Variants in CNTNAP2 observed in about 807,000 individuals in gnomAD.
CNTNAP2 encodes contactin-associated protein-like 2.
A neutral mutation model predicts 155.2 loss-of-function variants in CNTNAP2; 98 were observed. That is an observed-to-expected ratio of 0.63 (90% CI 0.54 to 0.75). The LOEUF (loss-of-function observed/expected upper bound fraction) is 0.75, where lower values mean the gene tolerates loss of function less well. CNTNAP2 is among the 30% of genes least tolerant of loss of function. The pLI, the probability that CNTNAP2 is intolerant of heterozygous loss-of-function variation, is 0.00. For missense variants in CNTNAP2, 1,727 were observed against 1,688.1 expected, an observed-to-expected ratio of 1.02 and a Z score of -0.40; for synonymous variants, 651 against 631.2, an observed-to-expected ratio of 1.03 and a Z score of -0.47.
chr7:146,723,984 C>T (rs1049542552), intron 1 of CNTNAP2, among the ~76,000 whole-genome samples: 7 of 152,054 alleles, frequency 4.6e-5, no homozygotes, highest in East Asian at 1.9e-4. Flanking sequence ...GTCCTGTGCA[C>T]TCGTTGGGAC....
chr7:146,862,188 A>G (rs1585126963), intron 3 of CNTNAP2, among the ~76,000 whole-genome samples: 2 of 152,268 alleles, frequency 1.3e-5, no homozygotes, highest in Admixed American at 6.5e-5. Flanking sequence ...CATTTATTCT[A>G]TCTTAATTAA....
At chr7:148,097,208 TG>T (rs1803990108) in intron 15 of CNTNAP2, among the ~76,000 whole-genome samples, 1 of 152,010 alleles carries the variant, frequency 6.6e-6, no homozygotes, top group Admixed American at 6.5e-5. Context: ...ATTAGGAAGT[TG>T]AACCAGCCCG....
intron 1 of CNTNAP2, among the ~76,000 whole-genome samples, chr7:146,475,532 C>A (rs950472227): frequency 6.6e-6 from 1 of 152,062 alleles, no homozygotes; most frequent in East Asian, 1.9e-4. Flanking sequence ...CAGAGCCAGC[C>A]ATTGAGTGGT....
chr7:146,552,009 T>A (rs1179305763), intron 1 of CNTNAP2, among the ~76,000 whole-genome samples: 2 of 152,134 alleles, frequency 1.3e-5, no homozygotes, highest in Non-Finnish European at 2.9e-5. Flanking sequence ...TATTTATATA[T>A]GTCACTGGAA....
At chr7:148,014,333 C>T (rs1002987202) in intron 15 of CNTNAP2, 17 of 150,862 alleles carry the variant, frequency 1.1e-4, no homozygotes, top group African/African-American at 3.9e-4. Flanking sequence ...GGCTTTTTAC[C>T]GCTTTGAAAT....
chr7:146,152,735 A>G (rs551121555), intron 1 of CNTNAP2, among the ~76,000 whole-genome samples: 31 of 152,218 alleles, frequency 2.0e-4, no homozygotes, highest in Admixed American at 1.3e-3. Flanking sequence ...ATAACAGAAA[A>G]TCTCTGCTAG....
chr7:147,163,962 AAAATCTGTTCTACCAT>A (rs1365148442), intron 8 of CNTNAP2, among the ~76,000 whole-genome samples: 2 of 152,204 alleles, frequency 1.3e-5, no homozygotes, highest in African/African-American at 2.4e-5. Context: ...GGAGAAAATG[AAAATCTGTTCTACCAT>A]AAATCCCTCC....
intron 15 of CNTNAP2, among the ~76,000 whole-genome samples, chr7:148,011,630 C>T (rs763015961): frequency 3.9e-5 from 6 of 152,188 alleles, no homozygotes; most frequent in Non-Finnish European, 8.8e-5. Flanking sequence ...GTTGATGTTG[C>T]TCTGTCTCAA....
At chr7:146,958,171 G>T (rs564315111) in intron 3 of CNTNAP2, among the ~76,000 whole-genome samples, 9 of 152,208 alleles carry the variant, frequency 5.9e-5, no homozygotes, top group Middle Eastern at 3.4e-3. Flanking sequence ...ACCTCAGGAA[G>T]GTGCAGCTGC....
intron 1 of CNTNAP2, among the ~76,000 whole-genome samples, chr7:146,369,411 A>G (rs1795202102): frequency 6.6e-6 from 1 of 152,160 alleles, no homozygotes; most frequent in Non-Finnish European, 1.5e-5. Context: ...CATCTATGGG[A>G]TATGTTCTAA....
chr7:147,258,508 C>G (rs34967218), intron 8 of CNTNAP2, among the ~76,000 whole-genome samples: 1 of 151,738 alleles, frequency 6.6e-6, no homozygotes, highest in Non-Finnish European at 1.5e-5. Context: ...AGCACAAGCA[C>G]GTATGATTGC....
intron 4 of CNTNAP2, chr7:147,083,160 C>G (rs1800173692): frequency 6.6e-6 from 1 of 152,000 alleles, no homozygotes; most frequent in Non-Finnish European, 1.5e-5. Context: ...AGAGTCGCTT[C>G]CCTTGAATTA....
At chr7:147,013,765 G>C (rs17170304) in intron 3 of CNTNAP2, among the ~76,000 whole-genome samples, 57,132 of 151,872 alleles carry the variant, frequency 0.38, 10,931 homozygotes, top group South Asian at 0.43. Flanking sequence ...CTATACTTCT[G>C]CAATACAATT....
At chr7:148,119,177 C>T (rs189772508) in intron 16 of CNTNAP2, among the ~76,000 whole-genome samples, 1 of 152,170 alleles carries the variant, frequency 6.6e-6, no homozygotes, top group Non-Finnish European at 1.5e-5. Context: ...CGAGGCCAGG[C>T]TATGTCCCCT....
chr7:147,265,236 C>T (rs188812595), intron 8 of CNTNAP2, among the ~76,000 whole-genome samples: 51 of 152,258 alleles, frequency 3.3e-4, no homozygotes, highest in Middle Eastern at 3.4e-3. Context: ...ATGTGCAGGA[C>T]GTGCAGGTTT....
At chr7:147,622,446 C>A (rs908742541) in intron 12 of CNTNAP2, among the ~76,000 whole-genome samples, 3 of 151,810 alleles carry the variant, frequency 2.0e-5, no homozygotes, top group African/African-American at 7.3e-5. Context: ...ATTCTTTGAC[C>A]ACAATGGAAT....
chr7:146,212,666 T>C (rs1304159548), intron 1 of CNTNAP2, among the ~76,000 whole-genome samples: 1 of 152,166 alleles, frequency 6.6e-6, no homozygotes, highest in Non-Finnish European at 1.5e-5. Flanking sequence ...TAAGTTTGAA[T>C]GATGAGAAGA....
intron 15 of CNTNAP2, among the ~76,000 whole-genome samples, chr7:148,116,750 T>C (rs1804482868): frequency 6.6e-6 from 1 of 152,190 alleles, no homozygotes; most frequent in Admixed American, 6.5e-5. Context: ...TTGAAAATAG[T>C]AGCTCAATTT....
At chr7:148,030,890 T>A (rs1049182470) in intron 15 of CNTNAP2, among the ~76,000 whole-genome samples, 2 of 152,140 alleles carry the variant, frequency 1.3e-5, no homozygotes, top group African/African-American at 2.4e-5. Flanking sequence ...GTGGATGGAA[T>A]CAGGCGGAAG....
Sources: allele counts gnomAD v4.1 joint callset (sites outside exome capture counted in the v4.1 genomes callset), GRCh38; gene constraint gnomAD v4.1.1; transcripts MANE v1.5; gene names NCBI Gene and HGNC (gene_info 2026-07-23, HGNC 2026-07-21).